The following TMEM232 variants were observed in gnomAD, a reference collection of about 807,000 sequenced individuals.
TMEM232 encodes transmembrane protein 232.
A neutral mutation model predicts 78.8 loss-of-function variants in TMEM232; 80 were observed. The observed-to-expected ratio is 1.01, with a 90% confidence interval of 0.85 to 1.22. The LOEUF (loss-of-function observed/expected upper bound fraction) is 1.22. Ranked by LOEUF, TMEM232 falls within the 50% of genes most tolerant of loss-of-function variation. The pLI, the probability that TMEM232 is intolerant of heterozygous loss-of-function variation, is 0.00. For synonymous variants in TMEM232, 297 were observed against 254.3 expected (o/e 1.17, Z -1.60); for missense variants, 881 against 742.2 (o/e 1.19, Z -2.17).
intron 2 of TMEM232, among the ~76,000 whole-genome samples, chr5:110,646,366 T>TA (rs1308519180): frequency 4.6e-5 from 7 of 151,516 alleles, no homozygotes; most frequent in Non-Finnish European, 8.9e-5. Flanking sequence ...GGTACCGGCA[T>TA]AAAAAAAGAC....
intron 1 of TMEM232, among the ~76,000 whole-genome samples, chr5:110,686,718 G>A (rs914367885): frequency 6.6e-6 from 1 of 152,052 alleles, no homozygotes; most frequent in Non-Finnish European, 1.5e-5. Flanking sequence ...TAGGTTTAGC[G>A]ACATATAACA....
chr5:110,640,561 A>C (rs879465202), intron 4 of TMEM232, among the ~76,000 whole-genome samples: 1 of 152,136 alleles, frequency 6.6e-6, no homozygotes, highest in Non-Finnish European at 1.5e-5. Context: ...TAAAATGAAG[A>C]AGCAAATTTC....
At chr5:110,660,116 A>T (rs1176943538) in intron 2 of TMEM232, among the ~76,000 whole-genome samples, 1 of 152,120 alleles carries the variant, frequency 6.6e-6, no homozygotes, top group African/African-American at 2.4e-5. Context: ...TTATATTCTG[A>T]CACATCATAG....
intron 5 of TMEM232, among the ~76,000 whole-genome samples, chr5:110,629,295 A>G (rs1490830880): frequency 6.6e-6 from 1 of 152,136 alleles, no homozygotes; most frequent in Non-Finnish European, 1.5e-5. Flanking sequence ...ATACATGACA[A>G]GCATGTCAGC....
chr5:110,624,447 C>T (rs1784160025), intron 7 of TMEM232, among the ~76,000 whole-genome samples: 1 of 152,004 alleles, frequency 6.6e-6, no homozygotes, highest in African/African-American at 2.4e-5. Flanking sequence ...GTGGGCCTCT[C>T]GTAGATCACA....
intron 1 of TMEM232, among the ~76,000 whole-genome samples, chr5:110,705,875 T>A (rs1475282365): frequency 1.3e-5 from 2 of 151,576 alleles, no homozygotes; most frequent in Non-Finnish European, 2.9e-5. Context: ...AATCCTGAAA[T>A]CACGGACCCT....
intron 2 of TMEM232, among the ~76,000 whole-genome samples, chr5:110,401,281 T>A (rs1755582914): frequency 6.7e-6 from 1 of 149,444 alleles, no homozygotes; most frequent in Admixed American, 6.6e-5. Context: ...AGACACAACA[T>A]TCTTTTTTTT....
chr5:110,413,232 C>T (rs311712), intron 2 of TMEM232, among the ~76,000 whole-genome samples: 41,853 of 152,006 alleles, frequency 0.28, 9,572 homozygotes, highest in African/African-American at 0.62. Context: ...TTCTTGCCTC[C>T]ATGTTTCTCC....
chr5:110,560,008 C>T (rs547385758), intron 11 of TMEM232, among the ~76,000 whole-genome samples: 85 of 152,262 alleles, frequency 5.6e-4, no homozygotes, highest in Middle Eastern at 6.8e-3. Context: ...ATTAGGGGCC[C>T]ATCTACTCCA....
chr5:110,677,066 G>A (rs1210148396), intron 1 of TMEM232, among the ~76,000 whole-genome samples: 1 of 152,022 alleles, frequency 6.6e-6, no homozygotes, highest in Non-Finnish European at 1.5e-5. Flanking sequence ...CTGCCTCATT[G>A]CTTGTGTAAT....
intron 1 of TMEM232, among the ~76,000 whole-genome samples, chr5:110,699,649 T>C (rs1189898244): frequency 6.6e-6 from 1 of 151,948 alleles, no homozygotes; most frequent in Non-Finnish European, 1.5e-5. Flanking sequence ...TTGGAAACCA[T>C]TTCTCGACTG....
intron 3 of TMEM232, among the ~76,000 whole-genome samples, chr5:110,641,529 T>C (rs779144855): frequency 6.6e-6 from 1 of 152,158 alleles, no homozygotes; most frequent in Non-Finnish European, 1.5e-5. Context: ...ATGCACCTCC[T>C]GGCACCTGTC....
chr5:110,563,202 G>A (rs1003921913), intron 11 of TMEM232, among the ~76,000 whole-genome samples: 3 of 151,804 alleles, frequency 2.0e-5, no homozygotes, highest in Admixed American at 6.6e-5. Flanking sequence ...TTGTTTATTC[G>A]TTAATTCTCA....
chr5:110,515,777 C>G (rs1768534658), intron 12 of TMEM232, among the ~76,000 whole-genome samples: 1 of 152,158 alleles, frequency 6.6e-6, no homozygotes, highest in South Asian at 2.1e-4. Flanking sequence ...GCACCAGCTC[C>G]TTTTATAAAG....
chr5:110,530,106 C>T (rs369647557), intron 11 of TMEM232, among the ~76,000 whole-genome samples: 6 of 152,176 alleles, frequency 3.9e-5, no homozygotes, highest in African/African-American at 1.4e-4. Context: ...TTTCAGGTTC[C>T]AAAATTAGGC....
At chr5:110,501,444 G>A (rs1446189593) in intron 12 of TMEM232, among the ~76,000 whole-genome samples, 1 of 151,938 alleles carries the variant, frequency 6.6e-6, no homozygotes, top group Non-Finnish European at 1.5e-5. Flanking sequence ...AAATTAAGTT[G>A]TCATTTTAAG....
rs749643657 is a variant in TMEM232, at chr5:110,721,669, G to GTATATATATATATATATA, written c.-13+4957_-13+4958insTATATATATATATATATA. 5.8e-3 allele frequency among the ~76,000 whole-genome samples: 139 copies of GTATATATATATATATATA among 23,812 alleles called. 11 individuals carry two copies. Among genetic ancestry groups the GTATATATATATATATATA allele is most frequent in the African/African-American group, 9.8e-3 (124 of 12,706 alleles). The allele number at this position is 23,812 out of a possible 152,430, so 15.6% of individuals were successfully genotyped here. ...GTCTGCATATCATGTGTGTGTGTGT[G>GTATATATATATATATATA]TGTGTATATATATATCTGTGTGTGT... On this transcript the variant is annotated intron_variant, in intron 1 of 13. Transcript: ENST00000455884.
intron 13 of TMEM232, among the ~76,000 whole-genome samples, chr5:110,422,445 G>T (rs1468596474): frequency 6.7e-6 from 1 of 148,438 alleles, no homozygotes; most frequent in Non-Finnish European, 1.5e-5. Context: ...GCATGAACCC[G>T]GGAGGCAGAG....
At chr5:110,389,491 T>A (rs894380132) in intron 4 of TMEM232, among the ~76,000 whole-genome samples, 1 of 152,156 alleles carries the variant, frequency 6.6e-6, no homozygotes, top group Non-Finnish European at 1.5e-5. Context: ...TTGAGAAAAT[T>A]CTCTTTTGAA....
Sources: allele counts gnomAD v4.1 joint callset (sites outside exome capture counted in the v4.1 genomes callset), GRCh38; gene constraint gnomAD v4.1.1; transcripts MANE v1.5; gene names NCBI Gene and HGNC (gene_info 2026-07-23, HGNC 2026-07-21).